Variants in AGBL4 observed in about 807,000 individuals in gnomAD.
AGBL4 encodes cytosolic carboxypeptidase 6.
AGBL4 carries 58 observed loss-of-function variants against 66.4 expected under a neutral mutation model. The observed-to-expected ratio is 0.87, with a 90% CI of 0.71 to 1.09. AGBL4 has a LOEUF of 1.09. AGBL4 is among the 50% of genes least tolerant of loss of function. The pLI is 0.00. For missense variants in AGBL4, 579 were observed against 631.0 expected, an observed-to-expected ratio of 0.92 and a Z score of 0.88; for synonymous variants, 234 against 222.9, an observed-to-expected ratio of 1.05 and a Z score of -0.44.
At chr1:48,847,994 C>T (rs1646957026) in intron 6 of AGBL4, among the ~76,000 whole-genome samples, 1 of 152,188 alleles carries the variant, frequency 6.6e-6, no homozygotes, top group Non-Finnish European at 1.5e-5. Context: ...AGAAGAACTG[C>T]CACTTGTAGC....
chr1:49,973,777 G>C (rs1658339034), intron 1 of AGBL4, among the ~76,000 whole-genome samples: 1 of 150,164 alleles, frequency 6.7e-6, no homozygotes, highest in Non-Finnish European at 1.5e-5. Context: ...ATATTCCTAA[G>C]AGCATTACAG....
chr1:49,117,342 TA>T (rs1260875636), intron 4 of AGBL4, among the ~76,000 whole-genome samples: 1 of 152,226 alleles, frequency 6.6e-6, no homozygotes, highest in Non-Finnish European at 1.5e-5. Flanking sequence ...CTAGGGTTTT[TA>T]TGGTTTTCGA....
chr1:49,740,963 G>A (rs7546466), intron 2 of AGBL4, among the ~76,000 whole-genome samples: 2 of 151,850 alleles, frequency 1.3e-5, no homozygotes, highest in Non-Finnish European at 2.9e-5. Flanking sequence ...ATCTAAAATT[G>A]ACACCCTAAC....
chr1:49,033,129 T>A (rs967483188), intron 5 of AGBL4, among the ~76,000 whole-genome samples: 2 of 152,110 alleles, frequency 1.3e-5, no homozygotes, highest in South Asian at 2.1e-4. Context: ...GATACTGAGA[T>A]GACATATCTG....
chr1:49,859,367 C>T (rs1423657032), intron 1 of AGBL4, among the ~76,000 whole-genome samples: 1 of 152,188 alleles, frequency 6.6e-6, no homozygotes, highest in African/African-American at 2.4e-5. Flanking sequence ...ATCCATCAGT[C>T]TGAGGAAAGT....
chr1:49,716,355 C>T (rs958628665), intron 2 of AGBL4, among the ~76,000 whole-genome samples: 1 of 152,146 alleles, frequency 6.6e-6, no homozygotes, highest in African/African-American at 2.4e-5. Flanking sequence ...GTAACTGTAG[C>T]CTTGTAGTAT....
chr1:49,097,359 G>C (rs1557638414), intron 4 of AGBL4, among the ~76,000 whole-genome samples: 2 of 152,164 alleles, frequency 1.3e-5, no homozygotes, highest in African/African-American at 4.8e-5. Flanking sequence ...TGAGATAATG[G>C]TGACATTGTT....
At chr1:49,502,522 T>TGG (rs1438550305) in intron 3 of AGBL4, among the ~76,000 whole-genome samples, 1 of 151,798 alleles carries the variant, frequency 6.6e-6, no homozygotes, top group Non-Finnish European at 1.5e-5. Flanking sequence ...GACAAAAAAT[T>TGG]GGGGGAAATT....
At chr1:49,860,604 TG>T (rs1228453473) in intron 1 of AGBL4, among the ~76,000 whole-genome samples, 2 of 152,034 alleles carry the variant, frequency 1.3e-5, no homozygotes, top group African/African-American at 4.8e-5. Context: ...GAGGCTGAGA[TG>T]GAAGAATCAC....
intron 5 of AGBL4, among the ~76,000 whole-genome samples, chr1:49,006,439 G>A (rs932054352): frequency 7.6e-4 from 115 of 152,222 alleles, no homozygotes; most frequent in African/African-American, 2.1e-3. Flanking sequence ...AGGCGGCAGC[G>A]AGGCTGGGGG....
intron 3 of AGBL4, among the ~76,000 whole-genome samples, chr1:49,301,978 G>A (rs532357447): frequency 3.3e-5 from 5 of 152,192 alleles, no homozygotes; most frequent in African/African-American, 1.2e-4. Flanking sequence ...TCCTTGCTCA[G>A]CTGCCTTGTT....
intron 6 of AGBL4, among the ~76,000 whole-genome samples, chr1:48,768,300 G>A (rs1644631883): frequency 6.6e-6 from 1 of 152,064 alleles, no homozygotes; most frequent in African/African-American, 2.4e-5. Flanking sequence ...AATATGACCT[G>A]TTGCCAAACT....
chr1:49,527,471 T>C (rs1650759639), intron 3 of AGBL4: 1 of 152,626 alleles, frequency 6.6e-6, no homozygotes, highest in Non-Finnish European at 1.5e-5. Context: ...AAGCTTTTAT[T>C]AGATGCTGGG....
At chr1:49,976,708 T>C (rs1023005006) in intron 1 of AGBL4, among the ~76,000 whole-genome samples, 2 of 152,208 alleles carry the variant, frequency 1.3e-5, no homozygotes, top group East Asian at 3.8e-4. Flanking sequence ...AAACAATCCT[T>C]TAAGGAATAT....
chr1:48,964,971 A>C (rs1658302045), intron 5 of AGBL4, among the ~76,000 whole-genome samples: 1 of 152,142 alleles, frequency 6.6e-6, no homozygotes, highest in Non-Finnish European at 1.5e-5. Context: ...TTGCCTCAAA[A>C]GTTGTTGTCT....
intron 6 of AGBL4, among the ~76,000 whole-genome samples, chr1:48,865,624 G>A (rs1469081341): frequency 6.6e-6 from 1 of 152,040 alleles, no homozygotes; most frequent in Non-Finnish European, 1.5e-5. Context: ...GCTTGCATTT[G>A]TGAAGTAGTA....
chr1:48,586,125 T>C (rs1644815673), intron 11 of AGBL4: 1 of 152,234 alleles, frequency 6.6e-6, no homozygotes, highest in African/African-American at 2.4e-5. Context: ...CTGTTACAGC[T>C]CTGATGCAGT....
At chr1:49,651,210 G>T (rs1317600945) in intron 3 of AGBL4, among the ~76,000 whole-genome samples, 1 of 152,154 alleles carries the variant, frequency 6.6e-6, no homozygotes, top group Non-Finnish European at 1.5e-5. Context: ...TGCAACAAGG[G>T]CATGATAGGG....
At chr1:49,085,349 A>C (rs1644887198) in intron 4 of AGBL4, among the ~76,000 whole-genome samples, 1 of 151,782 alleles carries the variant, frequency 6.6e-6, no homozygotes, top group Non-Finnish European at 1.5e-5. Flanking sequence ...TTACACTGGG[A>C]TTTATACACT....
Sources: allele counts gnomAD v4.1 joint callset (sites outside exome capture counted in the v4.1 genomes callset), GRCh38; gene constraint gnomAD v4.1.1; transcripts MANE v1.5; gene names NCBI Gene and HGNC (gene_info 2026-07-23, HGNC 2026-07-21).